The following STMN1 variants were observed in gnomAD, a reference collection of about 807,000 sequenced individuals.
STMN1 encodes the protein stathmin 1, also known as stathmin.
Under a neutral mutation model 19.7 loss-of-function variants are expected in STMN1, and 3 were observed. The ratio of observed to expected loss-of-function variants is 0.15; its 90% CI spans 0.07 to 0.39. STMN1 has a LOEUF of 0.39. STMN1 is among the 10% of genes least tolerant of loss of function. The probability of loss-of-function intolerance (pLI) is 1.00; values close to 1 mark genes in which losing one functional copy is unlikely to be tolerated. For synonymous variants in STMN1, 59 were observed against 58.9 expected, an observed-to-expected ratio of 1.00 and a Z score of -0.01; for missense variants, 99 against 176.0, an observed-to-expected ratio of 0.56 and a Z score of 2.48.
At chr1:25,903,456 T>C (rs2048898072) in intron 3 of STMN1, 185 bp downstream of exon 3, 3 of 728,094 alleles carry the variant, frequency 4.1e-6, no homozygotes, top group Non-Finnish European at 6.6e-6. Context: ...AGGAGAAAAA[T>C]ATAAACAAAG....
At chr1:25,901,293 TGGACTTCCAA>T in intron 4 of STMN1, 188 bp downstream of exon 4, 1 of 1,148,768 alleles carries the variant, frequency 8.7e-7, no homozygotes, top group East Asian at 2.6e-5. Flanking sequence ...AGCTGCCTAC[TGGACTTCCAA>T]GGACTGTGCA....
chr1:25,886,939 A>G (rs960671870), intron 4 of STMN1, among the ~76,000 whole-genome samples: 1 of 152,044 alleles, frequency 6.6e-6, no homozygotes, highest in Non-Finnish European at 1.5e-5. Context: ...GACTCAGCTC[A>G]GGTGTCAACT....
downstream of STMN1, among the ~76,000 whole-genome samples, chr1:25,897,709 C>A (rs1028106821): frequency 1.3e-5 from 2 of 152,134 alleles, no homozygotes; most frequent in African/African-American, 2.4e-5. Flanking sequence ...GAGCAGCCCC[C>A]CTTCCTGTGC....
In STMN1 at chr1:25,900,765, G is replaced by C. The variant is rs2048862875; in HGVS notation, c.*251C>G. The stretch of plus-strand genomic sequence containing the variant: ...AACCCAGTACACCAAGTGTACTGAA[G>C]TAGAAAAGATGCAACAAGAAAAATA... On this transcript the variant is annotated 3_prime_UTR_variant, in exon 5 of 5. Transcript: ENST00000455785. 7.6e-6 allele frequency: 10 copies of C among 1,311,314 alleles called. No homozygotes were observed. Among genetic ancestry groups the C allele is most frequent in the Non-Finnish European group, 9.7e-6 (10 of 1,031,244 alleles). The allele number at this position is 1,311,314 out of a possible 1,614,324, so 81.2% of individuals were successfully genotyped here. A position where few individuals can be genotyped will look rare whatever the true frequency, so the allele number is the denominator to read the frequency against.
rs1013392091 is a variant in STMN1 at position 25,906,317 on chromosome 1, AG to A, written c.-63+71del. Reference sequence around the variant, plus strand: ...CAGCAGGGGGTCGCTGCCACGGCCCAGCCCCTCCCGCCGACCGCGTCCCTCT... The same window carrying A: ...CAGCAGGGGGTCGCTGCCACGGCCCACCCCTCCCGCCGACCGCGTCCCTCT... On this transcript the variant is annotated intron_variant, in intron 1 of 4. Coordinates refer to ENST00000455785, the MANE Select transcript of STMN1 (RefSeq NM_005563.4). This position sits in a 1 kb window ranked among gnomAD's most constrained non-coding sequence, Gnocchi z 4.5. The A allele has an allele frequency of 6.0e-5, 7 of 116,022 alleles. No homozygotes were observed. Among genetic ancestry groups the A allele is most frequent in the African/African-American group, 2.4e-4 (7 of 29,668 alleles). 7.2% of individuals were successfully genotyped at this position (116,022 alleles called of 1,614,324 possible). A position where few individuals can be genotyped will look rare whatever the true frequency, so the allele number is the denominator to read the frequency against.
intron 4 of STMN1, among the ~76,000 whole-genome samples, chr1:25,892,065 A>G (rs1309705014): frequency 6.6e-6 from 1 of 152,188 alleles, no homozygotes; most frequent in African/African-American, 2.4e-5. Flanking sequence ...TATGCTCACT[A>G]AAGTCTGAGA....
chr1:25,884,824 A>G (rs372263447), downstream of STMN1: 1 of 153,626 alleles, frequency 6.5e-6, no homozygotes, highest in Non-Finnish European at 1.5e-5. Flanking sequence ...TCGTAATACA[A>G]TCACCAAGGG....
At chr1:25,884,551 C>A (rs1224528154), downstream of STMN1, 1 of 152,008 alleles carries the variant, frequency 6.6e-6, no homozygotes, top group Non-Finnish European at 1.5e-5. Flanking sequence ...AAAAAATAAG[C>A]CGGGCGTGGT....
At chr1:25,903,201 A>G (rs2048895297) in intron 3 of STMN1, 1 of 154,994 alleles carries the variant, frequency 6.5e-6, no homozygotes, top group African/African-American at 2.4e-5. Context: ...GAGCAACACA[A>G]TCACACTAGC....
At chr1:25,903,937 G>T (rs1017731792) in intron 2 of STMN1, 124 bp from the exon 3 acceptor site, 7 of 1,033,316 alleles carry the variant, frequency 6.8e-6, no homozygotes, top group South Asian at 1.9e-5. Flanking sequence ...GGAAAGTTGT[G>T]TTTTTTTTCC....
At chr1:25,891,361 T>C (rs893509016) in intron 4 of STMN1, among the ~76,000 whole-genome samples, 8 of 151,124 alleles carry the variant, frequency 5.3e-5, no homozygotes, top group Non-Finnish European at 1.0e-4. Flanking sequence ...AGATGGATTA[T>C]GTAAAATGCC....
At chr1:25,885,980 A>G (rs1023389360) in intron 4 of STMN1, 28 of 1,352,984 alleles carry the variant, frequency 2.1e-5, no homozygotes, top group African/African-American at 3.0e-5. Context: ...CTTTGCTACA[A>G]ATGGAATCAT....
At chr1:25,884,286 C>G (rs1430868269), downstream of STMN1, 3 of 152,092 alleles carry the variant, frequency 2.0e-5, no homozygotes, top group South Asian at 6.2e-4. Context: ...GTTGCAGGCT[C>G]TGGGCTCAGG....
chr1:25,894,357 T>G (rs959771832), intron 4 of STMN1, among the ~76,000 whole-genome samples: 142 of 151,938 alleles, frequency 9.3e-4, no homozygotes, highest in African/African-American at 3.4e-3. Flanking sequence ...GGTCTCTGCC[T>G]AGGTGAGCAA....
chr1:25,891,737 C>T (rs1325501725), intron 4 of STMN1, among the ~76,000 whole-genome samples: 1 of 152,200 alleles, frequency 6.6e-6, no homozygotes, highest in Non-Finnish European at 1.5e-5. Flanking sequence ...GTGCAGCAGG[C>T]TGTGAGCCCC....
chr1:25,890,832 G>A (rs777692413), intron 4 of STMN1, among the ~76,000 whole-genome samples: 12 of 152,086 alleles, frequency 7.9e-5, no homozygotes, highest in African/African-American at 9.7e-5. Flanking sequence ...GAAGAGGTGA[G>A]CACAGGCACT....
At chr1:25,894,091 A>G (rs1315518476) in intron 4 of STMN1, among the ~76,000 whole-genome samples, 1 of 152,146 alleles carries the variant, frequency 6.6e-6, no homozygotes, top group African/African-American at 2.4e-5. Flanking sequence ...GTCTCCCTGT[A>G]TTTGTATTGA....
rs560596113 is a variant in STMN1 at position 25,904,893 on chromosome 1, CTAAA to C, written c.-62-159_-62-156del. On this transcript the variant is annotated intron_variant, in intron 1 of 4. Transcript: ENST00000455785. ...CCACGAAAAAAATTATCAAAATCTA[CTAAA>C]TAAACATTGGGAAATATGACCTGAA... 9.2e-5 allele frequency among the ~76,000 whole-genome samples: 14 copies of C among 152,256 alleles called. 1 individual carries two copies. The highest frequency in any genetic ancestry group is 2.2e-4 in the African/African-American group (9 of 41,532).
rs2048949263 is a variant in STMN1, at chr1:25,906,309, C to T, written c.-63+80G>A. 2 of 151,902 alleles carry T rather than the reference C, an allele frequency of 1.3e-5. No individual in the cohort carries two copies. The allele number at this position is 151,902 out of a possible 1,614,324, so 9.4% of individuals were successfully genotyped here. A position where few individuals can be genotyped will look rare whatever the true frequency, so the allele number is the denominator to read the frequency against. ...CCGCCCTGCAGCAGGGGGTCGCTGC[C>T]ACGGCCCAGCCCCTCCCGCCGACCG... On this transcript the variant is annotated intron_variant, in intron 1 of 4. Coordinates refer to ENST00000455785, the MANE Select transcript of STMN1 (RefSeq NM_005563.4). The surrounding 1 kb of genome is among the most constrained non-coding windows in gnomAD (Gnocchi z 4.5).
Sources: gnomAD v4.1 joint callset for allele counts (sites outside exome capture counted in the v4.1 genomes callset) on GRCh38, gnomAD v4.1.1 for gene constraint, Gnocchi (gnomAD v3.1) non-coding constraint, MANE v1.5 for transcripts, NCBI Gene and HGNC (gene_info 2026-07-23, HGNC 2026-07-21) for gene names.